CCSER1: variants seen among roughly 807,000 people sequenced by gnomAD.
CCSER1 encodes the protein serine-rich coiled-coil domain-containing protein 1.
Under a neutral mutation model 82.0 loss-of-function variants are expected in CCSER1, and 41 were observed. The observed-to-expected ratio is 0.50, with a 90% confidence interval of 0.39 to 0.65. CCSER1 has a LOEUF of 0.65. Ranked by LOEUF, CCSER1 falls within the 30% of genes least tolerant of loss-of-function variation. CCSER1 has a pLI of 0.00. For synonymous variants in CCSER1, 414 were observed against 383.9 expected (o/e 1.08, Z -0.92); for missense variants, 1,119 against 1,064.2 (o/e 1.05, Z -0.72).
chr4:90,996,216 G>C (rs1389790351), intron 9 of CCSER1, among the ~76,000 whole-genome samples: 1 of 152,080 alleles, frequency 6.6e-6, no homozygotes, highest in African/African-American at 2.4e-5. Flanking sequence ...GTGTGTCGTA[G>C]AAAGGTAGGC....
chr4:90,164,756 G>A (rs990293680), intron 1 of CCSER1, among the ~76,000 whole-genome samples: 4 of 151,980 alleles, frequency 2.6e-5, no homozygotes, highest in Non-Finnish European at 4.4e-5. Flanking sequence ...GGATATTTTG[G>A]TCATTGTTAT....
intron 10 of CCSER1, among the ~76,000 whole-genome samples, chr4:91,510,823 C>T (rs904215515): frequency 6.6e-6 from 1 of 152,130 alleles, no homozygotes; most frequent in Non-Finnish European, 1.5e-5. Flanking sequence ...TTAATTAGGT[C>T]CCACAGGTCA....
At chr4:91,225,952 G>A (rs148117496) in intron 10 of CCSER1, among the ~76,000 whole-genome samples, 18 of 151,934 alleles carry the variant, frequency 1.2e-4, no homozygotes, top group African/African-American at 4.1e-4. Flanking sequence ...TCTGAATAAG[G>A]GAAGTAGAAA....
chr4:91,235,317 C>G (rs1738918609), intron 10 of CCSER1, among the ~76,000 whole-genome samples: 1 of 151,946 alleles, frequency 6.6e-6, no homozygotes, highest in Non-Finnish European at 1.5e-5. Context: ...TACTGGCAAA[C>G]CAAGTATCCT....
chr4:90,228,617 C>T (rs1483047703), intron 1 of CCSER1, among the ~76,000 whole-genome samples: 6 of 152,046 alleles, frequency 3.9e-5, no homozygotes, highest in South Asian at 2.1e-4. Context: ...CAAAGCTGGA[C>T]GGAGAATGAC....
At chr4:90,914,374 C>A (rs1726944748) in intron 8 of CCSER1, among the ~76,000 whole-genome samples, 1 of 152,148 alleles carries the variant, frequency 6.6e-6, no homozygotes, top group Non-Finnish European at 1.5e-5. Context: ...GGAAACTGAA[C>A]AACCTGCTCC....
chr4:91,427,534 T>G, intron 10 of CCSER1, among the ~76,000 whole-genome samples: 1 of 152,006 alleles, frequency 6.6e-6, no homozygotes. Context: ...GGATATACAA[T>G]GGAGAAAAAA....
At chr4:91,190,187 G>A (rs1020643932) in intron 10 of CCSER1, among the ~76,000 whole-genome samples, 2 of 152,170 alleles carry the variant, frequency 1.3e-5, no homozygotes, top group African/African-American at 4.8e-5. Flanking sequence ...TAGATGACTA[G>A]GATGGACAAG....
intron 10 of CCSER1, among the ~76,000 whole-genome samples, chr4:91,400,500 T>A (rs1053773520): frequency 2.0e-5 from 3 of 149,924 alleles, no homozygotes; most frequent in Admixed American, 1.4e-4. Context: ...AATACCTAAT[T>A]TGTCCATATA....
chr4:90,918,446 T>A (rs983595456), intron 8 of CCSER1: 3 of 338,888 alleles, frequency 8.9e-6, no homozygotes, highest in African/African-American at 2.1e-5. Context: ...ATATCCCTAG[T>A]CACTTGAGAC....
intron 5 of CCSER1, among the ~76,000 whole-genome samples, chr4:90,511,657 A>T (rs1771530318): frequency 6.6e-6 from 1 of 152,224 alleles, no homozygotes; most frequent in Non-Finnish European, 1.5e-5. Flanking sequence ...TCCTGTTTGG[A>T]TGCTCTGCAG....
At chr4:90,975,388 C>A (rs1735515733) in intron 9 of CCSER1, among the ~76,000 whole-genome samples, 1 of 151,208 alleles carries the variant, frequency 6.6e-6, no homozygotes, top group African/African-American at 2.4e-5. Context: ...TCTATGCTAA[C>A]CATTTTACTA....
intron 10 of CCSER1, among the ~76,000 whole-genome samples, chr4:91,241,795 G>A (rs1385091143): frequency 6.6e-6 from 1 of 151,938 alleles, no homozygotes; most frequent in Non-Finnish European, 1.5e-5. Flanking sequence ...ATTAACTAAA[G>A]TATTATACCA....
intron 5 of CCSER1, among the ~76,000 whole-genome samples, chr4:90,564,264 C>T (rs1463457732): frequency 1.3e-5 from 2 of 152,028 alleles, no homozygotes; most frequent in South Asian, 2.1e-4. Context: ...CTATGTTGCT[C>T]AGGCTGGTCT....
intron 10 of CCSER1, among the ~76,000 whole-genome samples, chr4:91,292,884 T>C (rs1201430036): frequency 6.6e-6 from 1 of 151,996 alleles, no homozygotes; most frequent in Non-Finnish European, 1.5e-5. Flanking sequence ...GCTCCATATG[T>C]ACCCCTCTCA....
intron 9 of CCSER1, among the ~76,000 whole-genome samples, chr4:91,011,238 G>A (rs1581330278): frequency 1.5e-5 from 2 of 134,332 alleles, no homozygotes; most frequent in Admixed American, 7.4e-5. Flanking sequence ...GCAGTTTGTG[G>A]TGGCAGTGGT....
intron 8 of CCSER1, chr4:90,839,068 C>A: frequency 6.3e-7 from 1 of 1,594,548 alleles, no homozygotes; most frequent in South Asian, 1.1e-5. Context: ...GCGAGGCGCG[C>A]GAGTACGAGC....
intron 10 of CCSER1, among the ~76,000 whole-genome samples, chr4:91,262,169 C>T (rs1033601878): frequency 1.3e-5 from 2 of 152,020 alleles, no homozygotes; most frequent in African/African-American, 2.4e-5. Flanking sequence ...TATTTGGGTT[C>T]GAATCTTAGC....
In CCSER1 at chr4:90,169,472, T is replaced by C. The variant is rs1456144355; in HGVS notation, c.-42+41641T>C. On this transcript the variant is annotated intron_variant, in intron 1 of 10. Coordinates refer to ENST00000509176, the MANE Select transcript of CCSER1 (RefSeq NM_001145065.2). ...TCCTAACTGAATACCCTTTATTTCCTTCTCCTGCCTAATTGCCCTGGCCAG... is the reference window on the plus strand; with the variant it reads ...TCCTAACTGAATACCCTTTATTTCCCTCTCCTGCCTAATTGCCCTGGCCAG... Among the ~76,000 whole-genome samples the C allele has an allele frequency of 2.0e-5, 3 of 152,102 alleles. No homozygotes were observed. In the East Asian group the frequency reaches 5.8e-4, roughly 29 times the overall value.
Sources: gnomAD v4.1 joint callset for allele counts (sites outside exome capture counted in the v4.1 genomes callset) on GRCh38, gnomAD v4.1.1 for gene constraint, MANE v1.5 for transcripts, NCBI Gene and HGNC (gene_info 2026-07-23, HGNC 2026-07-21) for gene names.